AGAP1: variants seen among roughly 807,000 people sequenced by gnomAD.
AGAP1 encodes the protein ArfGAP with GTPase domain, ankyrin repeat and PH domain 1, also known as arf-GAP with GTPase, ANK repeat and PH domain-containing protein 1.
AGAP1 carries 29 observed loss-of-function variants against 105.3 expected under a neutral mutation model. The ratio of observed to expected loss-of-function variants is 0.28; its 90% CI spans 0.21 to 0.38. The LOEUF is 0.38. Among genes scored for constraint, AGAP1 ranks in the 10% least tolerant of loss-of-function variants. AGAP1 has a pLI of 1.00. For missense variants in AGAP1, 998 were observed against 1,165.1 expected, an observed-to-expected ratio of 0.86 and a Z score of 2.09; for synonymous variants, 509 against 485.9, an observed-to-expected ratio of 1.05 and a Z score of -0.63.
chr2:235,869,508 G>A (rs935642101), intron 9 of AGAP1, among the ~76,000 whole-genome samples: 5 of 151,864 alleles, frequency 3.3e-5, no homozygotes, highest in Non-Finnish European at 5.9e-5. Context: ...GGCTGAGGCA[G>A]GAGAATCACT....
intron 1 of AGAP1, among the ~76,000 whole-genome samples, chr2:235,677,829 G>A (rs547147324): frequency 1.2e-4 from 17 of 137,330 alleles, no homozygotes; most frequent in Admixed American, 2.5e-4. Context: ...GAATCACTCA[G>A]ATATCACTTC....
rs538964223 is a variant in AGAP1, at chr2:235,719,242, C to T, written c.310+1598C>T. ...GGGGTTCAGGTGTCTGGTGGGGCAG[C>T]GCTGGAGGCCCTGGGTTTCTGGAGT... On this transcript the variant is annotated intron_variant, in intron 3 of 17. Transcript: ENST00000304032. The surrounding 1 kb of genome is among the most constrained non-coding windows in gnomAD (Gnocchi z 4.9). 2.1e-4 allele frequency among the ~76,000 whole-genome samples: 32 copies of T among 152,206 alleles called. No homozygotes were observed. The highest frequency in any genetic ancestry group is 6.5e-4 in the African/African-American group (27 of 41,536).
chr2:235,937,289 A>G (rs925081840), intron 12 of AGAP1, among the ~76,000 whole-genome samples: 5 of 152,160 alleles, frequency 3.3e-5, no homozygotes, highest in African/African-American at 1.2e-4. Context: ...CTGTGCTCGG[A>G]GCCTGCTTTC....
intron 13 of AGAP1, among the ~76,000 whole-genome samples, chr2:235,972,567 A>G (rs1458911203): frequency 1.3e-5 from 2 of 152,164 alleles, no homozygotes; most frequent in African/African-American, 2.4e-5. Flanking sequence ...TGTGGCCTTC[A>G]AGAAAGAGAC....
chr2:235,522,970 G>A (rs1942681136), intron 1 of AGAP1, among the ~76,000 whole-genome samples: 1 of 152,174 alleles, frequency 6.6e-6, no homozygotes, highest in Admixed American at 6.5e-5. Context: ...GGCTACTGTA[G>A]CAAAACACCT....
At position 235,659,314 on chromosome 2, in the gene AGAP1, TG is replaced by T. The variant is rs1225499128; in HGVS notation, c.164-49860del. On this transcript the variant is annotated intron_variant, in intron 1 of 17. Transcript: ENST00000304032. This position sits in a 1 kb window ranked among gnomAD's most constrained non-coding sequence, Gnocchi z 5.0. ...TAGTACCTACCTCTCTGTGGCACTT[TG>T]GGGGTAGAATGGATGAACTGAATTA... 2.6e-5 allele frequency among the ~76,000 whole-genome samples: 4 copies of T among 152,202 alleles called. No homozygotes were observed. Among genetic ancestry groups the T allele is most frequent in the Non-Finnish European group, 5.9e-5 (4 of 68,040 alleles).
At chr2:235,807,633 C>T (rs767378688) in intron 9 of AGAP1, among the ~76,000 whole-genome samples, 2 of 152,204 alleles carry the variant, frequency 1.3e-5, no homozygotes, top group Non-Finnish European at 2.9e-5. Context: ...GATTGGGCCG[C>T]GGGCCGCCGG....
intron 1 of AGAP1, among the ~76,000 whole-genome samples, chr2:235,645,399 T>G (rs1033039964): frequency 2.0e-5 from 3 of 152,254 alleles, no homozygotes; most frequent in African/African-American, 7.2e-5. Flanking sequence ...GGTCTCCGGC[T>G]TTGTATTTAT....
intron 6 of AGAP1, among the ~76,000 whole-genome samples, chr2:235,790,935 T>C (rs55881123): frequency 0.26 from 39,361 of 152,216 alleles, 5,453 homozygotes; most frequent in Admixed American, 0.4. Context: ...AGTGCCAGGC[T>C]ATGCCATGGG....
At chr2:235,629,520 A>G (rs1322588282) in intron 1 of AGAP1, among the ~76,000 whole-genome samples, 1 of 152,042 alleles carries the variant, frequency 6.6e-6, no homozygotes. Context: ...TCGAGTGTCC[A>G]GCACAGGGGC....
Position 235,908,771 on chromosome 2 carries a change from G to A in AGAP1, c.1189G>A (p.Asp397Asn). The change falls in exon 11 of 18, where the codon GAC becomes AAC. Residue 397 changes from aspartate to asparagine, a missense_variant. By Grantham distance (23) the Asp-to-Asn change is conservative. Transcript: ENST00000304032. This position sits in a 1 kb window ranked among gnomAD's most constrained non-coding sequence, Gnocchi z 4.4. ...YMQNVHGKEIDLLRTTVKVPG... is the reference protein window; with the variant it reads ...YMQNVHGKEINLLRTTVKVPG... ...GCAGAATGTTCATGGTAAGGAGATT[G>A]ACCTTCTGAGAACCACTGTGAAAGT... 6.2e-7 allele frequency: 1 copy of A among 1,612,602 alleles called. No homozygotes were observed. The highest frequency in any genetic ancestry group is 8.5e-7 in the Non-Finnish European group (1 of 1,179,564).
intron 13 of AGAP1, among the ~76,000 whole-genome samples, chr2:235,985,297 GTTGT>G (rs2055267061): frequency 6.6e-6 from 1 of 152,112 alleles, no homozygotes; most frequent in Non-Finnish European, 1.5e-5. Context: ...TTTTGATGGG[GTTGT>G]TTGTTTCTTG....
rs1199380013 is a variant in AGAP1 at position 236,095,604 on chromosome 2, G to A, written c.2115-24588G>A. On this transcript the variant is annotated intron_variant, in intron 16 of 17. Transcript: ENST00000304032. The surrounding 1 kb of genome is among the most constrained non-coding windows in gnomAD (Gnocchi z 4.1). ...AAATCTAACAGGAAATTCTCATGTT[G>A]GTAGATATTGACATAGGCAGTGCTT... Among the ~76,000 whole-genome samples, 2 of 152,168 alleles carry A rather than the reference G, an allele frequency of 1.3e-5. No individual in the cohort carries two copies. The highest frequency in any genetic ancestry group is 2.9e-5 in the Non-Finnish European group (2 of 68,044).
At chr2:235,966,491 G>A (rs928217640) in intron 12 of AGAP1, among the ~76,000 whole-genome samples, 3 of 152,136 alleles carry the variant, frequency 2.0e-5, no homozygotes, top group South Asian at 2.1e-4. Context: ...TGACCTGTCC[G>A]TGTGCCTCTG....
intron 13 of AGAP1, among the ~76,000 whole-genome samples, chr2:236,016,906 AAGAC>A (rs1207631020): frequency 6.6e-6 from 1 of 152,174 alleles, no homozygotes; most frequent in Non-Finnish European, 1.5e-5. Flanking sequence ...TTTCAATTAA[AAGAC>A]AGCATTCTTC....
chr2:236,066,155 C>A (rs2058339538), intron 16 of AGAP1, among the ~76,000 whole-genome samples: 1 of 152,186 alleles, frequency 6.6e-6, no homozygotes, highest in African/African-American at 2.4e-5. Flanking sequence ...GACACATGGG[C>A]CTCAGGAAGC....
chr2:235,770,434 CTCTT>C (rs1955348648), intron 6 of AGAP1, among the ~76,000 whole-genome samples: 1 of 152,050 alleles, frequency 6.6e-6, no homozygotes, highest in Non-Finnish European at 1.5e-5. Context: ...CACGCCTGGC[CTCTT>C]TCTTTTTGAG....
At chr2:235,722,862 TACACTA>T (rs1317196379) in intron 3 of AGAP1, among the ~76,000 whole-genome samples, 3 of 150,198 alleles carry the variant, frequency 2.0e-5, no homozygotes, top group East Asian at 3.9e-4. Flanking sequence ...ACACATAAAA[TACACTA>T]ACACTAACAA....
chr2:235,966,032 C>G (rs1185967088), intron 12 of AGAP1, among the ~76,000 whole-genome samples: 2 of 127,078 alleles, frequency 1.6e-5, no homozygotes, highest in Non-Finnish European at 3.2e-5. Flanking sequence ...GAGAGGGGAG[C>G]CTTTTCCTCT....
Sources: allele counts gnomAD v4.1 joint callset (sites outside exome capture counted in the v4.1 genomes callset), GRCh38; gene constraint gnomAD v4.1.1; non-coding constraint Gnocchi (gnomAD v3.1); transcripts MANE v1.5; gene names NCBI Gene and HGNC (gene_info 2026-07-23, HGNC 2026-07-21).